DSTYK: variants seen among roughly 807,000 people sequenced by gnomAD.
DSTYK encodes the protein RIP-homologous kinase.
DSTYK carries 34 observed loss-of-function variants against 98.7 expected under a neutral mutation model. The ratio of observed to expected loss-of-function variants is 0.34; its 90% confidence interval spans 0.26 to 0.46. The LOEUF (loss-of-function observed/expected upper bound fraction) is 0.46. Among genes scored for constraint, DSTYK ranks in the 20% least tolerant of loss-of-function variants. The probability of loss-of-function intolerance (pLI) is 1.00; values close to 1 mark genes in which losing one functional copy is unlikely to be tolerated. For synonymous variants in DSTYK, 462 were observed against 457.3 expected (o/e 1.01, Z -0.13); for missense variants, 962 against 1,181.7 (o/e 0.81, Z 2.73).
intron 10 of DSTYK, among the ~76,000 whole-genome samples, chr1:205,153,306 G>A (rs972502083): frequency 6.6e-6 from 1 of 152,028 alleles, no homozygotes; most frequent in African/African-American, 2.4e-5. Context: ...TCAAATTACA[G>A]GACTGGAGGG....
chr1:205,211,667 C>T lies in DSTYK; in HGVS notation c.-132G>A. On this transcript the variant is annotated 5_prime_UTR_variant, in exon 1 of 13. Transcript: ENST00000367162. ...CCCCGCCTGCAGTCAGCCTGGCTCC[C>T]AACCTCCGTCACTGCCGTTGCAAAC... The T allele has an allele frequency of 8.0e-7, 1 of 1,245,596 alleles. No individual in the cohort carries two copies. The highest frequency in any genetic ancestry group is 1.1e-6 in the Non-Finnish European group (1 of 944,836). The allele number at this position is 1,245,596 out of a possible 1,614,324, so 77.2% of individuals were successfully genotyped here. A position where few individuals can be genotyped will look rare whatever the true frequency, so the allele number is the denominator to read the frequency against.
At position 205,145,874 on chromosome 1, in the gene DSTYK, G is replaced by T. The variant is rs1169234860; in HGVS notation, c.*1684C>A. 6.6e-6 allele frequency: 1 copy of T among 152,160 alleles called. No individual in the cohort carries two copies. The highest frequency in any genetic ancestry group is 1.5e-5 in the Non-Finnish European group (1 of 68,034). The allele number at this position is 152,160 out of a possible 1,614,324, so 9.4% of individuals were successfully genotyped here. A position where few individuals can be genotyped will look rare whatever the true frequency, so the allele number is the denominator to read the frequency against. ...CTAATGGACCAGTTTGGTTGAGGAA[G>T]GCTTGAAGTCAAGTGCATCTGAGAT... is the stretch of plus-strand genomic sequence containing the variant. On this transcript the variant is annotated 3_prime_UTR_variant, in exon 13 of 13. Coordinates refer to ENST00000367162, the MANE Select transcript of DSTYK (RefSeq NM_015375.3).
At chr1:205,188,891 C>T (rs897445636) in intron 1 of DSTYK, among the ~76,000 whole-genome samples, 5 of 151,994 alleles carry the variant, frequency 3.3e-5, no homozygotes, top group African/African-American at 1.2e-4. Context: ...GAGACAAGAC[C>T]CTAAATAGGA....
At chr1:205,204,603 G>A (rs1421442085) in intron 1 of DSTYK, among the ~76,000 whole-genome samples, 3 of 151,950 alleles carry the variant, frequency 2.0e-5, no homozygotes, top group Non-Finnish European at 4.4e-5. Flanking sequence ...TTTATTTATT[G>A]AGATATAATT....
chr1:205,192,491 G>GCTA lies in DSTYK; in HGVS notation c.266-4688_266-4686dup, dbSNP rs564330958. 6.6e-4 allele frequency among the ~76,000 whole-genome samples: 101 copies of GCTA among 152,194 alleles called. 1 individual carries two copies. The highest frequency in any genetic ancestry group is 4.9e-3 in the Admixed American group (75 of 15,296). ...CGAGGCTGCAGTGATCTGTGATCAC[G>GCTA]CTACTGTGAGACTCTCCTGGGTGAG... On this transcript the variant is annotated intron_variant, in intron 1 of 12. Coordinates refer to ENST00000367162, the MANE Select transcript of DSTYK (RefSeq NM_015375.3).
chr1:205,210,392 T>C (rs1261397959), intron 1 of DSTYK, among the ~76,000 whole-genome samples: 1 of 151,846 alleles, frequency 6.6e-6, no homozygotes, highest in Non-Finnish European at 1.5e-5. Flanking sequence ...GTCCCCAAGA[T>C]ATCTATCTAC....
intron 2 of DSTYK, chr1:205,173,186 G>A: frequency 6.6e-6 from 1 of 152,024 alleles, no homozygotes. Flanking sequence ...TTGAGGTCAG[G>A]AGTTCAAGAC....
At chr1:205,157,900 T>G (rs1007866874) in intron 9 of DSTYK, among the ~76,000 whole-genome samples, 1 of 152,034 alleles carries the variant, frequency 6.6e-6, no homozygotes, top group Non-Finnish European at 1.5e-5. Flanking sequence ...ACAGATAACT[T>G]CAAATGTGAC....
In DSTYK at chr1:205,145,524, T is replaced by TG. The variant is rs555030058; in HGVS notation, c.*2033dup. ...AGATGTGCGACTCATCTTTGTTTTT[T>TG]GTTTTTTTTTTTGTTTTTTTTTGAG... is the stretch of plus-strand genomic sequence containing the variant. On this transcript the variant is annotated 3_prime_UTR_variant, in exon 13 of 13. Coordinates refer to ENST00000367162, the MANE Select transcript of DSTYK (RefSeq NM_015375.3). 8.0e-5 allele frequency: 5 copies of TG among 62,364 alleles called. No homozygotes were observed. The highest frequency in any genetic ancestry group is 4.6e-4 in the Admixed American group (2 of 4,394). The allele number at this position is 62,364 out of a possible 1,614,324, so 3.9% of individuals were successfully genotyped here. A position where few individuals can be genotyped will look rare whatever the true frequency, so the allele number is the denominator to read the frequency against.
chr1:205,204,487 CT>C (rs1201057915), intron 1 of DSTYK, among the ~76,000 whole-genome samples: 4 of 151,834 alleles, frequency 2.6e-5, no homozygotes, highest in Non-Finnish European at 4.4e-5. Context: ...CACACAACCA[CT>C]CAAACAGCCA....
Position 205,161,839 on chromosome 1 carries a change from T to C in DSTYK, c.1818+197A>G, listed in dbSNP as rs564834848. Among the ~76,000 whole-genome samples, 3 of 152,302 alleles carry C rather than the reference T, an allele frequency of 2.0e-5. No individual in the cohort carries two copies. The South Asian group carries it at 6.2e-4, about 32-fold the overall frequency. On this transcript the variant is annotated intron_variant, in intron 6 of 12. Transcript: ENST00000367162. The stretch of plus-strand genomic sequence containing the variant: ...TGAAAAATTTATTGAAAAAACTTCC[T>C]ATAACAATCTAGAAAGAAAATATAC...
At chr1:205,160,533 G>A (rs1657686971) in intron 7 of DSTYK, among the ~76,000 whole-genome samples, 1 of 147,608 alleles carries the variant, frequency 6.8e-6, no homozygotes, top group South Asian at 2.1e-4. Context: ...ACGGGGTTTT[G>A]CCACATTGCC....
chr1:205,200,678 C>T (rs1418479628), intron 1 of DSTYK, among the ~76,000 whole-genome samples: 1 of 152,176 alleles, frequency 6.6e-6, no homozygotes, highest in African/African-American at 2.4e-5. Flanking sequence ...CAGAGTGGTT[C>T]ACCAATGCGT....
intron 1 of DSTYK, among the ~76,000 whole-genome samples, chr1:205,200,961 A>G (rs1659015372): frequency 6.6e-6 from 1 of 151,788 alleles, no homozygotes; most frequent in Non-Finnish European, 1.5e-5. Context: ...GCTGGAGTGC[A>G]ATGGTGCAAT....
intron 1 of DSTYK, among the ~76,000 whole-genome samples, chr1:205,196,915 T>A (rs1008638213): frequency 3.3e-5 from 5 of 151,738 alleles, no homozygotes; most frequent in African/African-American, 1.2e-4. Context: ...TGCACCACCA[T>A]GCCTGGCTAA....
Position 205,169,929 on chromosome 1 carries a change from A to G in DSTYK, c.655-97T>C, listed in dbSNP as rs1357048229. The G allele has an allele frequency of 2.5e-6, 3 of 1,195,014 alleles. No homozygotes were observed. In the East Asian group the frequency reaches 7.3e-5, roughly 29 times the overall value. 74.0% of individuals were successfully genotyped at this position (1,195,014 alleles called of 1,614,324 possible). On this transcript the variant is annotated intron_variant, in intron 2 of 12. Coordinates refer to ENST00000367162, the MANE Select transcript of DSTYK (RefSeq NM_015375.3). This position sits in a 1 kb window ranked among gnomAD's most constrained non-coding sequence, Gnocchi z 4.0. The stretch of plus-strand genomic sequence containing the variant: ...ACTGAGACCAAAATCCTGATCTACA[A>G]TGGAACAATTGGACTTCGGTACCCC...
At chr1:205,182,378 G>A (rs1658433507) in intron 2 of DSTYK, among the ~76,000 whole-genome samples, 1 of 151,568 alleles carries the variant, frequency 6.6e-6, no homozygotes, top group African/African-American at 2.4e-5. Context: ...ACAACAGAGT[G>A]AGACCCTGTC....
rs570518783 is a variant in DSTYK at position 205,147,217 on chromosome 1, C to T, written c.*341G>A. 6.8e-4 allele frequency: 123 copies of T among 181,276 alleles called. 1 individual carries two copies. Among genetic ancestry groups the T allele is most frequent in the African/African-American group, 2.7e-3 (115 of 42,780 alleles). The allele number at this position is 181,276 out of a possible 1,614,324, so 11.2% of individuals were successfully genotyped here. A position where few individuals can be genotyped will look rare whatever the true frequency, so the allele number is the denominator to read the frequency against. ...TAACACTATTGCCACTGCAGTGTCC[C>T]GCTTGCTGTCTTAGAAGTATATACA... On this transcript the variant is annotated 3_prime_UTR_variant, in exon 13 of 13. Transcript: ENST00000367162.
chr1:205,186,453 C>T (rs1470703008), intron 2 of DSTYK, among the ~76,000 whole-genome samples: 1 of 152,182 alleles, frequency 6.6e-6, no homozygotes, highest in East Asian at 1.9e-4. Flanking sequence ...AACCAAAGGA[C>T]TCATTCATTG....
Sources: allele counts gnomAD v4.1 joint callset (sites outside exome capture counted in the v4.1 genomes callset), GRCh38; gene constraint gnomAD v4.1.1; non-coding constraint Gnocchi (gnomAD v3.1); transcripts MANE v1.5; gene names NCBI Gene and HGNC (gene_info 2026-07-23, HGNC 2026-07-21).